ST8SIA1: variants seen among roughly 807,000 people sequenced by gnomAD.
The protein encoded by ST8SIA1 is alpha-N-acetylneuraminide alpha-2,8-sialyltransferase.
A neutral mutation model predicts 35.9 loss-of-function variants in ST8SIA1; 16 were observed. That is an observed-to-expected ratio of 0.45 (90% CI 0.30 to 0.68). The LOEUF is 0.68. Among genes scored for constraint, ST8SIA1 ranks in the 30% least tolerant of loss-of-function variants. The pLI is 0.09. For missense variants in ST8SIA1, 383 were observed against 453.6 expected (o/e 0.84, Z 1.41); for synonymous variants, 170 against 169.6 (o/e 1.00, Z -0.02).
intron 4 of ST8SIA1, among the ~76,000 whole-genome samples, chr12:22,230,678 T>C (rs1219347950): frequency 3.3e-5 from 5 of 152,178 alleles, no homozygotes; most frequent in African/African-American, 1.2e-4. Flanking sequence ...TATAAACTAC[T>C]AACATTTCAA....
chr12:22,201,266 T>C lies in ST8SIA1; in HGVS notation c.*286A>G. The C allele has an allele frequency of 3.3e-6, 1 of 307,158 alleles. No individual in the cohort carries two copies. The highest frequency in any genetic ancestry group is 7.9e-5 in the South Asian group (1 of 12,644). 19.0% of individuals were successfully genotyped at this position (307,158 alleles called of 1,614,324 possible). A position where few individuals can be genotyped will look rare whatever the true frequency, so the allele number is the denominator to read the frequency against. On this transcript the variant is annotated 3_prime_UTR_variant, in exon 5 of 5. Coordinates refer to ENST00000396037, the MANE Select transcript of ST8SIA1 (RefSeq NM_003034.4). Reference sequence around the variant, plus strand: ...ACTCGAGTCTGTCTTGTTTTTGAACTGCATCTTCTAGATTTGAACCATGTG... The same window carrying C: ...ACTCGAGTCTGTCTTGTTTTTGAACCGCATCTTCTAGATTTGAACCATGTG...
chr12:22,288,704 G>A (rs1412625717), intron 1 of ST8SIA1, among the ~76,000 whole-genome samples: 2 of 152,208 alleles, frequency 1.3e-5, no homozygotes, highest in Non-Finnish European at 2.9e-5. Flanking sequence ...GGGGAGAAGA[G>A]CTCGGGAAGA....
At chr12:22,299,048 G>C (rs537962352) in intron 1 of ST8SIA1, among the ~76,000 whole-genome samples, 1 of 151,080 alleles carries the variant, frequency 6.6e-6, no homozygotes, top group African/African-American at 2.4e-5. Context: ...ACGAAATGGA[G>C]TTTTTTTTTC....
chr12:22,334,034 C>A lies in ST8SIA1; in HGVS notation c.199G>T (p.Ala67Ser). The change falls in exon 1 of 5, where the codon GCG (alanine) becomes TCG (serine). Residue 67 changes from alanine to serine, a missense_variant. Transcript: ENST00000396037. ...IVQGVLQQGTAWRRNQTAARA... is the reference protein window; with the variant it reads ...IVQGVLQQGTSWRRNQTAARA... ...GCCGCGGTCTGGTTCCTCCTCCACG[C>A]CGTGCCCTGTTGCAGCACCCCCTGC... 1.2e-6 allele frequency: 2 copies of A among 1,614,094 alleles called. No individual in the cohort carries two copies. Among genetic ancestry groups the A allele is most frequent in the Admixed American group, 3.3e-5 (2 of 60,026 alleles).
intron 1 of ST8SIA1, among the ~76,000 whole-genome samples, chr12:22,302,142 G>T (rs1256845790): frequency 6.6e-6 from 1 of 151,972 alleles, no homozygotes; most frequent in Non-Finnish European, 1.5e-5. Context: ...TTTTGCCTAA[G>T]GTTTTTCAAT....
intron 1 of ST8SIA1, among the ~76,000 whole-genome samples, chr12:22,293,159 C>T (rs2135820062): frequency 6.6e-6 from 1 of 152,258 alleles, no homozygotes. Context: ...TGCTGAGCAG[C>T]GAATCCCATT....
In ST8SIA1 at chr12:22,255,140, C is replaced by T. The variant is rs1591836065; in HGVS notation, c.491+140G>A. The T allele has an allele frequency of 8.6e-6, 6 of 694,366 alleles. No homozygotes were observed. In the East Asian group the frequency reaches 1.5e-4, roughly 18 times the overall value. The allele number at this position is 694,366 out of a possible 1,614,324, so 43.0% of individuals were successfully genotyped here. On this transcript the variant is annotated intron_variant, in intron 3 of 4. Transcript: ENST00000396037. ...TTACCCCTCTCCTAAACTCGCTTGT[C>T]TATGAGCTGGAAGTGAAGCTAAGGA...
chr12:22,242,864 C>T (rs945850704), intron 4 of ST8SIA1, among the ~76,000 whole-genome samples: 1 of 152,154 alleles, frequency 6.6e-6, no homozygotes, highest in Non-Finnish European at 1.5e-5. Flanking sequence ...AAAATTCAAT[C>T]AGAGGATGAA....
At chr12:22,263,141 G>T (rs1467159948) in intron 2 of ST8SIA1, among the ~76,000 whole-genome samples, 2 of 152,156 alleles carry the variant, frequency 1.3e-5, no homozygotes, top group Non-Finnish European at 2.9e-5. Context: ...ATCAATTTAA[G>T]CAGACTACTG....
intron 4 of ST8SIA1, among the ~76,000 whole-genome samples, chr12:22,243,533 T>C (rs1289274962): frequency 6.6e-6 from 1 of 152,220 alleles, no homozygotes; most frequent in African/African-American, 2.4e-5. Flanking sequence ...CCTGTTTGCA[T>C]ATACTGCTAG....
chr12:22,252,765 T>C (rs182053649), intron 3 of ST8SIA1, among the ~76,000 whole-genome samples: 7 of 152,280 alleles, frequency 4.6e-5, no homozygotes, highest in East Asian at 3.9e-4. Flanking sequence ...CTGGAAACAA[T>C]AGATAACATT....
intron 1 of ST8SIA1, among the ~76,000 whole-genome samples, chr12:22,310,353 G>T (rs1242334796): frequency 6.6e-6 from 1 of 152,160 alleles, no homozygotes; most frequent in Non-Finnish European, 1.5e-5. Context: ...CTGAAGCCCA[G>T]GTCTCTAGTG....
Position 22,200,801 on chromosome 12 carries a change from A to C in ST8SIA1, c.*751T>G, listed in dbSNP as rs1027221568. 1.4e-4 allele frequency: 22 copies of C among 152,298 alleles called. No homozygotes were observed. The highest frequency in any genetic ancestry group is 5.3e-4 in the African/African-American group (22 of 41,574). The allele number at this position is 152,298 out of a possible 1,614,324, so 9.4% of individuals were successfully genotyped here. On this transcript the variant is annotated 3_prime_UTR_variant, in exon 5 of 5. Transcript: ENST00000396037. ...AACAGGCTTACATAATGCAGACCTA[A>C]AATTGGGTTTATGTCCTAAATTCTG... is the stretch of plus-strand genomic sequence containing the variant.
At chr12:22,228,008 T>C (rs1865377970) in intron 4 of ST8SIA1, among the ~76,000 whole-genome samples, 1 of 152,218 alleles carries the variant, frequency 6.6e-6, no homozygotes, top group South Asian at 2.1e-4. Flanking sequence ...CTTCTTCTCA[T>C]CTTCCCTCCT....
chr12:22,238,169 C>CG (rs1555156082), intron 4 of ST8SIA1, among the ~76,000 whole-genome samples: 3 of 151,994 alleles, frequency 2.0e-5, no homozygotes, highest in African/African-American at 7.3e-5. Context: ...GAACTCCCCC[C>CG]CCAACAAGAG....
chr12:22,289,143 A>G (rs536781883), intron 1 of ST8SIA1, among the ~76,000 whole-genome samples: 3 of 152,224 alleles, frequency 2.0e-5, no homozygotes, highest in African/African-American at 4.8e-5. Context: ...GTTTAAGACT[A>G]TCTTTAAAAA....
In ST8SIA1 at chr12:22,293,637, A is replaced by C. The variant is rs143332106; in HGVS notation, c.237-6344T>G. On this transcript the variant is annotated intron_variant, in intron 1 of 4. Transcript: ENST00000396037. ...TTTTGAAATTGAGGTAAAAGATATA[A>C]ATCACTTAGCACATTATATAGCCTC... Among the ~76,000 whole-genome samples the C allele has an allele frequency of 4.6e-3, 702 of 152,366 alleles. 1 individual carries two copies. Among genetic ancestry groups the C allele is most frequent in the African/African-American group, 0.016 (649 of 41,588 alleles).
At chr12:22,315,040 C>G (rs907334315) in intron 1 of ST8SIA1, among the ~76,000 whole-genome samples, 2 of 152,074 alleles carry the variant, frequency 1.3e-5, no homozygotes, top group Non-Finnish European at 2.9e-5. Context: ...TCCCACTCAC[C>G]CTCAAGATTA....
At chr12:22,309,942 T>A (rs1267330970) in intron 1 of ST8SIA1, among the ~76,000 whole-genome samples, 5 of 152,214 alleles carry the variant, frequency 3.3e-5, no homozygotes, top group African/African-American at 4.8e-5. Context: ...TACTTTTATT[T>A]ATCTTTACAA....
Sources: gnomAD v4.1 joint callset for allele counts (sites outside exome capture counted in the v4.1 genomes callset) on GRCh38, gnomAD v4.1.1 for gene constraint, MANE v1.5 for transcripts, NCBI Gene and HGNC (gene_info 2026-07-23, HGNC 2026-07-21) for gene names.